Variants in PDE1C observed in about 807,000 individuals in gnomAD.
PDE1C encodes the protein phosphodiesterase 1C.
In PDE1C, 62 loss-of-function variants were observed where a neutral mutation model predicts 93.1. The observed-to-expected ratio is 0.67, with a 90% CI of 0.54 to 0.82. The LOEUF is 0.82. PDE1C is among the 40% of genes least tolerant of loss of function. The probability of loss-of-function intolerance (pLI) is 0.00; values close to 1 mark genes in which losing one functional copy is unlikely to be tolerated. For synonymous variants in PDE1C, 325 were observed against 310.1 expected, an observed-to-expected ratio of 1.05 and a Z score of -0.50; for missense variants, 742 against 884.6, an observed-to-expected ratio of 0.84 and a Z score of 2.04.
chr7:32,279,031 T>G (rs915088228), intron 1 of PDE1C, among the ~76,000 whole-genome samples: 1 of 152,188 alleles, frequency 6.6e-6, no homozygotes, highest in Non-Finnish European at 1.5e-5. Context: ...TAAGAGGAAT[T>G]TATTTTATTG....
chr7:32,208,595 G>A (rs1276735565), intron 2 of PDE1C, among the ~76,000 whole-genome samples: 1 of 152,116 alleles, frequency 6.6e-6, no homozygotes, highest in Non-Finnish European at 1.5e-5. Flanking sequence ...TACTTTTAGT[G>A]AAAGCCAGTG....
At chr7:32,283,764 A>G (rs1054644564) in intron 1 of PDE1C, among the ~76,000 whole-genome samples, 1 of 152,222 alleles carries the variant, frequency 6.6e-6, no homozygotes, top group Non-Finnish European at 1.5e-5. Context: ...CCAGCTGGAA[A>G]TCCAGCAGAG....
intron 1 of PDE1C, among the ~76,000 whole-genome samples, chr7:32,256,215 A>G (rs975577866): frequency 2.6e-5 from 4 of 152,226 alleles, no homozygotes; most frequent in Non-Finnish European, 5.9e-5. Flanking sequence ...GAACTTTAGC[A>G]AACAGATGTC....
At chr7:31,791,495 A>G (rs1784591123) in intron 16 of PDE1C, among the ~76,000 whole-genome samples, 1 of 152,146 alleles carries the variant, frequency 6.6e-6, no homozygotes. Flanking sequence ...TGGAATTGCA[A>G]TACATGACTT....
intron 2 of PDE1C, among the ~76,000 whole-genome samples, chr7:31,908,111 A>G (rs1202211730): frequency 2.0e-5 from 3 of 152,198 alleles, no homozygotes; most frequent in African/African-American, 7.2e-5. Context: ...CAAAAGTGAC[A>G]TTCAGTCATT....
chr7:31,855,863 AG>A (rs1378883883), intron 7 of PDE1C, among the ~76,000 whole-genome samples: 1 of 151,058 alleles, frequency 6.6e-6, no homozygotes, highest in East Asian at 1.9e-4. Flanking sequence ...AAAATGGCCA[AG>A]GGATAGCTTT....
At chr7:31,846,011 A>T (rs901795742) in intron 9 of PDE1C, among the ~76,000 whole-genome samples, 3 of 151,938 alleles carry the variant, frequency 2.0e-5, no homozygotes, top group African/African-American at 7.2e-5. Flanking sequence ...AATAATAATA[A>T]AAGGTTTGAA....
intron 3 of PDE1C, among the ~76,000 whole-genome samples, chr7:31,879,926 C>T (rs1193680770): frequency 6.6e-6 from 1 of 151,762 alleles, no homozygotes; most frequent in Non-Finnish European, 1.5e-5. Flanking sequence ...TTCCTTTAGA[C>T]TTACCAATTG....
chr7:31,994,845 T>C (rs1784536122), intron 2 of PDE1C, among the ~76,000 whole-genome samples: 1 of 152,182 alleles, frequency 6.6e-6, no homozygotes, highest in Admixed American at 6.5e-5. Flanking sequence ...TTACCACTCT[T>C]ACCTGGCTTG....
intron 3 of PDE1C, among the ~76,000 whole-genome samples, chr7:32,096,720 G>A (rs1391999823): frequency 6.6e-6 from 1 of 152,080 alleles, no homozygotes; most frequent in East Asian, 1.9e-4. Flanking sequence ...TATTTATATA[G>A]AAGCAATTGT....
At chr7:31,964,646 G>C (rs1231063038) in intron 2 of PDE1C, among the ~76,000 whole-genome samples, 1 of 152,238 alleles carries the variant, frequency 6.6e-6, no homozygotes, top group Non-Finnish European at 1.5e-5. Flanking sequence ...CTGAGAACGG[G>C]CAGACTGCCT....
chr7:32,003,959 T>C (rs1301533768), intron 2 of PDE1C, among the ~76,000 whole-genome samples: 1 of 151,926 alleles, frequency 6.6e-6, no homozygotes, highest in Non-Finnish European at 1.5e-5. Flanking sequence ...TCTAACAAGG[T>C]GAAATGTGAA....
At chr7:31,661,677 C>T in the PDE1C span, among the ~76,000 whole-genome samples, 10 of 152,298 alleles carry the variant, frequency 6.6e-5, no homozygotes, top group South Asian at 6.2e-4. Context: ...CCCACCATTG[C>T]ACTCTAGCCT....
At chr7:31,679,176 C>T in the PDE1C span, among the ~76,000 whole-genome samples, 8 of 152,152 alleles carry the variant, frequency 5.3e-5, no homozygotes, top group Non-Finnish European at 7.3e-5. Context: ...CCAGAGCTGC[C>T]ACTTCCAGGC....
intron 1 of PDE1C, among the ~76,000 whole-genome samples, chr7:32,244,205 T>C (rs1375923089): frequency 6.6e-6 from 1 of 152,118 alleles, no homozygotes; most frequent in Non-Finnish European, 1.5e-5. Flanking sequence ...GGGCGGGACA[T>C]GTAAAAGTGG....
the PDE1C span, among the ~76,000 whole-genome samples, chr7:31,677,705 T>A: frequency 6.6e-6 from 1 of 152,280 alleles, no homozygotes; most frequent in Non-Finnish European, 1.5e-5. Flanking sequence ...ACTTCTAGGC[T>A]TTTTCTCTAA....
Position 32,420,165 on chromosome 7 carries a change from A to G in PDE1C, c.310+7657T>C, listed in dbSNP as rs372861289. ...CACACACACACACACACACATATAT[A>G]TGTGTATATATATACACATATATAT... On this transcript the variant is annotated intron_variant, in intron 1 of 1. Coordinates refer to the PDE1C transcript ENST00000672256. 1.6e-4 allele frequency among the ~76,000 whole-genome samples: 9 copies of G among 54,932 alleles called. No homozygotes were observed. The East Asian group carries it at 3.7e-3, about 22-fold the overall frequency. 36.0% of individuals were successfully genotyped at this position (54,932 alleles called of 152,430 possible).
chr7:32,344,271 T>G (rs1783810749), intron 1 of PDE1C, among the ~76,000 whole-genome samples: 3 of 152,088 alleles, frequency 2.0e-5, no homozygotes, highest in African/African-American at 7.2e-5. Flanking sequence ...GAGGGAGGTT[T>G]CACTATGCTG....
chr7:32,180,435 G>A (rs1371282654), intron 2 of PDE1C, among the ~76,000 whole-genome samples: 6 of 152,202 alleles, frequency 3.9e-5, no homozygotes, highest in Admixed American at 3.3e-4. Flanking sequence ...ATAGTATTAA[G>A]AGGTGTGGCC....
Sources: allele counts gnomAD v4.1 joint callset (sites outside exome capture counted in the v4.1 genomes callset), GRCh38; gene constraint gnomAD v4.1.1; transcripts MANE v1.5; gene names NCBI Gene and HGNC (gene_info 2026-07-23, HGNC 2026-07-21).